The following DHX37 variants were observed in gnomAD, a reference collection of about 807,000 sequenced individuals.
DHX37 encodes the protein DEAH-box helicase 37, also known as probable ATP-dependent RNA helicase DHX37.
DHX37 carries 52 observed loss-of-function variants against 134.3 expected under a neutral mutation model. That is an observed-to-expected ratio of 0.39 (90% CI 0.31 to 0.49). The LOEUF is 0.49. Among genes scored for constraint, DHX37 ranks in the 20% least tolerant of loss-of-function variants. The probability of loss-of-function intolerance (pLI) is 0.93; values close to 1 mark genes in which losing one functional copy is unlikely to be tolerated. For synonymous variants in DHX37, 634 were observed against 670.7 expected (o/e 0.95, Z 0.85); for missense variants, 1,344 against 1,580.8 (o/e 0.85, Z 2.54).
At chr12:124,966,478 CT>C (rs1954390096) in intron 12 of DHX37, among the ~76,000 whole-genome samples, 1 of 152,234 alleles carries the variant, frequency 6.6e-6, no homozygotes, top group African/African-American at 2.4e-5. Flanking sequence ...GTTCTCCCAC[CT>C]CAGCCTCTGA....
intron 5 of DHX37, among the ~76,000 whole-genome samples, chr12:124,977,079 A>G (rs1273241732): frequency 6.6e-6 from 1 of 151,816 alleles, no homozygotes; most frequent in Non-Finnish European, 1.5e-5. Context: ...AGAAAATAGT[A>G]AGCACATAGC....
Position 124,980,674 on chromosome 12 carries a change from G to T in DHX37, c.554C>A (p.Ala185Asp). The T allele has an allele frequency of 6.3e-7, 1 of 1,596,414 alleles. No homozygotes were observed. The highest frequency in any genetic ancestry group is 8.5e-7 in the Non-Finnish European group (1 of 1,173,272). ...EESELDEDPA[A>D]EPAEAGVGTT... is the part of the protein sequence containing the mutation. ...CCCCACACCAGCCTCAGCCGGCTCAGCAGCTGGGTCCTCGTCCAGCTCCGA... is the reference window on the plus strand; with the variant it reads ...CCCCACACCAGCCTCAGCCGGCTCATCAGCTGGGTCCTCGTCCAGCTCCGA... Residue 185 changes from alanine to aspartate, a missense_variant, in exon 4 of 27, where the codon GCT (alanine) becomes GAT (aspartate). Physicochemically the swap from Ala to Asp is moderately radical, Grantham distance 126 (BLOSUM62 -2). This residue lies in a region of DHX37 where 319 missense variants were observed against 296.1 expected (regional missense o/e 1.08). Coordinates refer to ENST00000308736, the MANE Select transcript of DHX37 (RefSeq NM_032656.4). The surrounding 1 kb of genome is among the most constrained non-coding windows in gnomAD (Gnocchi z 5.3).
In DHX37 at chr12:124,947,752, C is replaced by T. The variant is rs1290458930; in HGVS notation, c.*50G>A. On this transcript the variant is annotated 3_prime_UTR_variant, in exon 27 of 27. Coordinates refer to ENST00000308736, the MANE Select transcript of DHX37 (RefSeq NM_032656.4). The stretch of plus-strand genomic sequence containing the variant: ...CGGTCGCACGGTGACAGGCTGCTGC[C>T]AGCCCTCCAGTCCCCAAACCAGTCC... 1.3e-6 allele frequency: 2 copies of T among 1,508,592 alleles called. No individual in the cohort carries two copies. Among genetic ancestry groups the T allele is most frequent in the Non-Finnish European group, 1.8e-6 (2 of 1,129,026 alleles). 93.5% of individuals were successfully genotyped at this position (1,508,592 alleles called of 1,614,324 possible). A position where few individuals can be genotyped will look rare whatever the true frequency, so the allele number is the denominator to read the frequency against.
At chr12:124,963,597 C>T (rs546909767) in intron 15 of DHX37, among the ~76,000 whole-genome samples, 3 of 151,864 alleles carry the variant, frequency 2.0e-5, no homozygotes, top group Admixed American at 6.6e-5. Flanking sequence ...TGGCCGGGCA[C>T]GGTGGCTCAC....
rs1045880753 is a variant in DHX37, at chr12:124,965,115, C to T, written c.1736-109G>A. 10 of 1,253,974 alleles carry T rather than the reference C, an allele frequency of 8.0e-6. No individual in the cohort carries two copies. In the African/African-American group the frequency reaches 1.2e-4, roughly 15 times the overall value. 77.7% of individuals were successfully genotyped at this position (1,253,974 alleles called of 1,614,324 possible). Reference sequence around the variant, plus strand: ...CAGGCTGCTCCACCAGAGCTCCTTTCTTTGCCCTGCTGCAGAGGCTCCCCT... The same window carrying T: ...CAGGCTGCTCCACCAGAGCTCCTTTTTTTGCCCTGCTGCAGAGGCTCCCCT... On this transcript the variant is annotated intron_variant, in intron 13 of 26. Coordinates refer to ENST00000308736, the MANE Select transcript of DHX37 (RefSeq NM_032656.4).
In DHX37 at chr12:124,957,057, C is replaced by A; in HGVS notation, c.2236G>T (p.Ala746Ser). ...TCTGCTTTCTGGGGCGGTTGCAGGG[C>A]ACCCAGTGCGATCAACAGCTCCTCG... ...AAEELLIALG[A>S]LQPPQKAERV... The change falls in exon 17 of 27, where the codon GCC (alanine) becomes TCC (serine). Residue 746 changes from alanine (A) to serine (S), a missense_variant. Ala to Ser is a moderately conservative substitution (Grantham distance 99). Transcript: ENST00000308736. 1 of 1,510,746 alleles carries A rather than the reference C, an allele frequency of 6.6e-7. No homozygotes were observed. Among genetic ancestry groups the A allele is most frequent in the South Asian group, 1.3e-5 (1 of 74,654 alleles). The allele number at this position is 1,510,746 out of a possible 1,614,324, so 93.6% of individuals were successfully genotyped here.
chr12:124,965,039 G>A lies in DHX37; in HGVS notation c.1736-33C>T, dbSNP rs1386739332. 1.9e-6 allele frequency: 3 copies of A among 1,575,138 alleles called. No individual in the cohort carries two copies. The Admixed American group carries it at 5.8e-5, about 30-fold the overall frequency. Reference sequence around the variant, plus strand: ...GAAAGCAGAGGTCACTGGCACCCAGGCCGGGACAGATGCCCACAGGCAGGA... The same window carrying A: ...GAAAGCAGAGGTCACTGGCACCCAGACCGGGACAGATGCCCACAGGCAGGA... On this transcript the variant is annotated intron_variant, in intron 13 of 26. Coordinates refer to ENST00000308736, the MANE Select transcript of DHX37 (RefSeq NM_032656.4).
intron 18 of DHX37, among the ~76,000 whole-genome samples, chr12:124,955,341 C>T (rs1041251511): frequency 2.6e-5 from 4 of 152,210 alleles, no homozygotes; most frequent in Admixed American, 6.5e-5. Flanking sequence ...TCCCTGCCCT[C>T]GATGCTCCTG....
At chr12:124,986,426 C>T (rs1041796337) in intron 1 of DHX37, among the ~76,000 whole-genome samples, 161 bp from the exon 2 acceptor site, 2 of 152,066 alleles carry the variant, frequency 1.3e-5, no homozygotes, top group Admixed American at 1.3e-4. Context: ...ATGATGTTCT[C>T]AAGGCTTGGC....
rs776268983 is a variant in DHX37, at chr12:124,966,872, T to C, written c.1511A>G (p.Asp504Gly). 29 of 1,614,130 alleles carry C rather than the reference T, an allele frequency of 1.8e-5. No individual in the cohort carries two copies. The highest frequency in any genetic ancestry group is 3.3e-4 in the Middle Eastern group (2 of 6,084). Reference protein sequence around the residue: ...PPSRARPQEKDDDQKDSVEEM... With the variant: ...PPSRARPQEKGDDQKDSVEEM... Reference sequence around the variant, plus strand: ...CTCCACCGAGTCTTTCTGATCGTCGTCCTTTTCTGGGAGAGGGGCAGGTTG... The same window carrying C: ...CTCCACCGAGTCTTTCTGATCGTCGCCCTTTTCTGGGAGAGGGGCAGGTTG... The change falls in exon 12 of 27, where the codon GAC becomes GGC. Residue 504 changes from aspartate to glycine, a missense_variant. Coordinates refer to ENST00000308736, the MANE Select transcript of DHX37 (RefSeq NM_032656.4).
At chr12:124,961,152 GCA>G (rs1484528442) in intron 15 of DHX37, among the ~76,000 whole-genome samples, 3 of 150,228 alleles carry the variant, frequency 2.0e-5, no homozygotes, top group Admixed American at 6.6e-5. Flanking sequence ...GTGCACGCAC[GCA>G]CACACACTTA....
chr12:124,960,433 G>A lies in DHX37; in HGVS notation c.2046-10C>T, dbSNP rs1954211515. 6.2e-7 allele frequency: 1 copy of A among 1,607,372 alleles called. No individual in the cohort carries two copies. Among genetic ancestry groups the A allele is most frequent in the South Asian group, 1.1e-5 (1 of 90,806 alleles). On this transcript the variant is annotated splice_polypyrimidine_tract_variant and intron_variant, in intron 15 of 26. Transcript: ENST00000308736. ...CGCAGATGAATACAGCCTGGATGGA[G>A]AGAAACCGGGACAACAAACACAAAA...
chr12:124,957,534 C>T (rs1313588232), intron 16 of DHX37, among the ~76,000 whole-genome samples: 1 of 152,176 alleles, frequency 6.6e-6, no homozygotes, highest in Non-Finnish European at 1.5e-5. Flanking sequence ...GCCTGTAATC[C>T]CAGCACTTTG....
rs374203282 is a variant in DHX37, at chr12:124,960,392, C to T, written c.2077G>A (p.Glu693Lys). Residue 693 changes from glutamate to lysine, a missense_variant, in exon 16 of 27, where the codon GAG (glutamate) becomes AAG (lysine). This residue lies in a region of DHX37 where 558 missense variants were observed against 650.0 expected (regional missense o/e 0.86). Coordinates refer to ENST00000308736, the MANE Select transcript of DHX37 (RefSeq NM_032656.4). ...GTGATTTCTGGAGGAGGAAACTGCT[C>T]GAAGTCACCAAAAACCGCAGATGAA... ...LYSSAVFGDF[E>K]QFPPPEITRR... 2.2e-5 allele frequency: 36 copies of T among 1,613,926 alleles called. No homozygotes were observed. The highest frequency in any genetic ancestry group is 6.7e-5 in the Admixed American group (4 of 59,988).
rs1954440473 is a variant in DHX37 at position 124,968,407 on chromosome 12, G to A, written c.1408+127C>T. The A allele has an allele frequency of 2.7e-6, 4 of 1,471,702 alleles. No homozygotes were observed. The Admixed American group carries it at 6.1e-5, about 23-fold the overall frequency. 91.2% of individuals were successfully genotyped at this position (1,471,702 alleles called of 1,614,324 possible). ...TCATGAACACTCTGGAATAAGTGAG[G>A]AAGCCGAGGCCTGGCAGGGTCAAGG... On this transcript the variant is annotated intron_variant, in intron 10 of 26. Coordinates refer to ENST00000308736, the MANE Select transcript of DHX37 (RefSeq NM_032656.4).
Position 124,953,867 on chromosome 12 carries a change from C to T in DHX37, c.2695+13G>A, listed in dbSNP as rs774221061. The T allele has an allele frequency of 1.9e-5, 31 of 1,608,504 alleles. No individual in the cohort carries two copies. Among genetic ancestry groups the T allele is most frequent in the South Asian group, 1.9e-4 (17 of 90,746 alleles). On this transcript the variant is annotated intron_variant, in intron 20 of 26. Transcript: ENST00000308736. ...CCCGCCGGGTGCAGCGGCGTGCCGGCACGGGGCCGTACCTGCGGTGGTCAG... is the reference window on the plus strand; with the variant it reads ...CCCGCCGGGTGCAGCGGCGTGCCGGTACGGGGCCGTACCTGCGGTGGTCAG...
chr12:124,965,658 C>G lies in DHX37; in HGVS notation c.1735+10G>C, dbSNP rs980579620. The stretch of plus-strand genomic sequence containing the variant: ...ATGAACATGAGCAGGAATCGGTGCT[C>G]GGGCCACACCTCCATCTTGCCCGCC... On this transcript the variant is annotated intron_variant, in intron 13 of 26. Transcript: ENST00000308736. 6.3e-7 allele frequency: 1 copy of G among 1,595,724 alleles called. No homozygotes were observed.
At chr12:124,959,423 A>T (rs1235365472) in intron 16 of DHX37, among the ~76,000 whole-genome samples, 1 of 151,230 alleles carries the variant, frequency 6.6e-6, no homozygotes, top group African/African-American at 2.4e-5. Flanking sequence ...GGGTTTTGCC[A>T]TGTTAGCCAG....
rs902151833 is a variant in DHX37, at chr12:124,949,697, G to A, written c.3290+289C>T. Among the ~76,000 whole-genome samples, 5 of 152,188 alleles carry A rather than the reference G, an allele frequency of 3.3e-5. No homozygotes were observed. The highest frequency in any genetic ancestry group is 7.4e-5 in the Non-Finnish European group (5 of 68,020). On this transcript the variant is annotated intron_variant, in intron 25 of 26. Transcript: ENST00000308736. The surrounding 1 kb of genome is among the most constrained non-coding windows in gnomAD (Gnocchi z 4.0). Reference sequence around the variant, plus strand: ...AATACAATGACTGGTGTCCTTATAAGGAGAACACAGGGAGGGAGACTAAAG... The same window carrying A: ...AATACAATGACTGGTGTCCTTATAAAGAGAACACAGGGAGGGAGACTAAAG...
Sources: allele counts gnomAD v4.1 joint callset (sites outside exome capture counted in the v4.1 genomes callset), GRCh38; gene constraint gnomAD v4.1.1; regional missense constraint gnomAD v4.1.1; non-coding constraint Gnocchi (gnomAD v3.1); transcripts MANE v1.5; gene names NCBI Gene and HGNC (gene_info 2026-07-23, HGNC 2026-07-21).